The following PHF2 variants were observed in gnomAD, a reference collection of about 807,000 sequenced individuals.
PHF2 encodes the protein lysine-specific demethylase PHF2.
Under a neutral mutation model 120.5 loss-of-function variants are expected in PHF2, and 27 were observed. That is an observed-to-expected ratio of 0.22 (90% CI 0.17 to 0.31). The LOEUF (loss-of-function observed/expected upper bound fraction) is 0.31. Ranked by LOEUF, PHF2 falls within the 10% of genes least tolerant of loss-of-function variation. The pLI, the probability that PHF2 is intolerant of heterozygous loss-of-function variation, is 1.00. For synonymous variants in PHF2, 568 were observed against 592.5 expected (o/e 0.96, Z 0.60); for missense variants, 1,024 against 1,434.8 (o/e 0.71, Z 4.63).
chr9:93,621,581 G>C (rs1361501579), intron 1 of PHF2, among the ~76,000 whole-genome samples: 1 of 152,214 alleles, frequency 6.6e-6, no homozygotes, highest in Non-Finnish European at 1.5e-5. Flanking sequence ...CACTGGCCCA[G>C]AGCCTGGAGC....
At position 93,660,221 on chromosome 9, in the gene PHF2, G is replaced by C; in HGVS notation, c.1359G>C (p.Val453=). The change falls in exon 12 of 22, where the codon GTG becomes GTC. Residue 453 remains valine, a synonymous_variant. Transcript: ENST00000359246. ...CCTCCAAAGCCGTCCGACCGGAAGT[G>C]AATACTGTCGCCTCGTCAGATGAGG... ...ENASKAVRPE[V]NTVASSDEVC... The C allele has an allele frequency of 6.3e-7, 1 of 1,587,078 alleles. No individual in the cohort carries two copies. Among genetic ancestry groups the C allele is most frequent in the Non-Finnish European group, 8.5e-7 (1 of 1,170,556 alleles).
chr9:93,640,508 A>AT (rs1260488805), intron 3 of PHF2, among the ~76,000 whole-genome samples: 3 of 151,686 alleles, frequency 2.0e-5, no homozygotes, highest in Non-Finnish European at 4.4e-5. Flanking sequence ...GGCATCCTTC[A>AT]TTTTTGCTAC....
Position 93,663,041 on chromosome 9 carries a change from T to C in PHF2, c.1818+15T>C. 6.2e-7 allele frequency: 1 copy of C among 1,613,902 alleles called. No individual in the cohort carries two copies. The highest frequency in any genetic ancestry group is 2.2e-5 in the East Asian group (1 of 44,854). ...GGAAGTACAAGGTGAGAAGTGCACA[T>C]ATGCATGCACACGTGTGTGTGTCAG... On this transcript the variant is annotated intron_variant, in intron 13 of 21. Transcript: ENST00000359246.
At chr9:93,612,758 G>C (rs1825658268) in intron 1 of PHF2, among the ~76,000 whole-genome samples, 1 of 152,138 alleles carries the variant, frequency 6.6e-6, no homozygotes, top group African/African-American at 2.4e-5. Context: ...GAATTGTTTT[G>C]ATTTTTGTAT....
At chr9:93,614,317 G>A (rs1825685995) in intron 1 of PHF2, among the ~76,000 whole-genome samples, 2 of 152,220 alleles carry the variant, frequency 1.3e-5, no homozygotes, top group South Asian at 4.1e-4. Context: ...CATAGAGGGT[G>A]GTGAGGCTCC....
rs982718378 is a variant in PHF2 at position 93,653,143 on chromosome 9, C to T, written c.603-36C>T. 5 of 1,598,372 alleles carry T rather than the reference C, an allele frequency of 3.1e-6. No homozygotes were observed. In the African/African-American group the frequency reaches 5.4e-5, roughly 17 times the overall value. ...TGCAGGGGAAATAAAAAAGGGAGTC[C>T]CAGGTTCCCTCACCACCTTCCTCTC... is the stretch of plus-strand genomic sequence containing the variant. On this transcript the variant is annotated intron_variant, in intron 5 of 21. Coordinates refer to ENST00000359246, the MANE Select transcript of PHF2 (RefSeq NM_005392.4).
chr9:93,611,357 G>C (rs1825631253), intron 1 of PHF2, among the ~76,000 whole-genome samples: 1 of 151,506 alleles, frequency 6.6e-6, no homozygotes, highest in Admixed American at 6.6e-5. Context: ...GGACATTGCA[G>C]TGAGCCGAGA....
chr9:93,642,467 G>T (rs1826186893), intron 3 of PHF2, among the ~76,000 whole-genome samples: 1 of 152,136 alleles, frequency 6.6e-6, no homozygotes, highest in Non-Finnish European at 1.5e-5. Flanking sequence ...ATACTGTCTT[G>T]TCTGACAATG....
At chr9:93,593,601 A>C (rs1461275229) in intron 1 of PHF2, among the ~76,000 whole-genome samples, 3 of 152,248 alleles carry the variant, frequency 2.0e-5, no homozygotes, top group Non-Finnish European at 2.9e-5. Flanking sequence ...TTAAAAGTAT[A>C]TAAAGAATGA....
At chr9:93,635,780 G>C (rs1429852322) in intron 2 of PHF2, among the ~76,000 whole-genome samples, 1 of 152,196 alleles carries the variant, frequency 6.6e-6, no homozygotes, top group Non-Finnish European at 1.5e-5. Context: ...AAAGTCCAAG[G>C]TGTGTGTACC....
intron 1 of PHF2, among the ~76,000 whole-genome samples, chr9:93,620,325 T>C (rs537349791): frequency 6.3e-4 from 96 of 152,340 alleles, no homozygotes; most frequent in Middle Eastern, 6.8e-3. Context: ...TCTGTCTGTG[T>C]CCTGGGATGC....
At chr9:93,599,990 G>A (rs1441714595) in intron 1 of PHF2, among the ~76,000 whole-genome samples, 4 of 152,228 alleles carry the variant, frequency 2.6e-5, no homozygotes, top group Admixed American at 2.6e-4. Context: ...ACAGCCCCGG[G>A]GATTCCCCTG....
intron 13 of PHF2, 90 bp from the exon 14 acceptor site, chr9:93,663,427 A>G: frequency 1.2e-6 from 1 of 811,878 alleles, no homozygotes; most frequent in Non-Finnish European, 2.0e-6. Context: ...TCGTGTTCCC[A>G]GTAGCTGCCT....
At chr9:93,674,053 G>A (rs540395440) in intron 18 of PHF2, among the ~76,000 whole-genome samples, 191 bp downstream of exon 18, 1 of 152,336 alleles carries the variant, frequency 6.6e-6, no homozygotes, top group South Asian at 2.1e-4. Flanking sequence ...CACATCTGGT[G>A]GACAGGCTTG....
chr9:93,671,544 A>T (rs10992848), intron 17 of PHF2, among the ~76,000 whole-genome samples: 2 of 89,426 alleles, frequency 2.2e-5, no homozygotes, highest in Non-Finnish European at 4.4e-5. Context: ...GTAGATGCAG[A>T]TGTGGGTGTG....
chr9:93,651,688 C>T (rs563013036), intron 5 of PHF2, among the ~76,000 whole-genome samples: 2 of 152,332 alleles, frequency 1.3e-5, no homozygotes, highest in East Asian at 3.9e-4. Flanking sequence ...AATTCAGATA[C>T]ATGTCACATC....
chr9:93,605,944 G>C (rs1376411960), intron 1 of PHF2, among the ~76,000 whole-genome samples: 1 of 151,990 alleles, frequency 6.6e-6, no homozygotes, highest in Non-Finnish European at 1.5e-5. Flanking sequence ...ATGATTGCTG[G>C]ATCATTTGGT....
intron 17 of PHF2, among the ~76,000 whole-genome samples, chr9:93,670,860 G>A (rs1186794107): frequency 2.6e-5 from 4 of 152,132 alleles, no homozygotes; most frequent in Admixed American, 6.5e-5. Flanking sequence ...CAGGCTGGGC[G>A]CTATGGGAGG....
rs149074438 is a variant in PHF2, at chr9:93,592,528, C to T, written c.98+15657C>T. Among the ~76,000 whole-genome samples the T allele has an allele frequency of 3.7e-3, 556 of 152,150 alleles. 2 individuals carry two copies. Among genetic ancestry groups the T allele is most frequent in the African/African-American group, 0.013 (524 of 41,506 alleles). On this transcript the variant is annotated intron_variant, in intron 1 of 21. Transcript: ENST00000359246. Reference sequence around the variant, plus strand: ...TTTCATGGCAGTTCCTGGAATATCCCGCCTGCTGGGTGGAGCTTAGGGACA... The same window carrying T: ...TTTCATGGCAGTTCCTGGAATATCCTGCCTGCTGGGTGGAGCTTAGGGACA...
Sources: gnomAD v4.1 joint callset for allele counts (sites outside exome capture counted in the v4.1 genomes callset) on GRCh38, gnomAD v4.1.1 for gene constraint, MANE v1.5 for transcripts, NCBI Gene and HGNC (gene_info 2026-07-23, HGNC 2026-07-21) for gene names.